ARHGEF2: variants seen among roughly 807,000 people sequenced by gnomAD.
ARHGEF2 encodes rho guanine nucleotide exchange factor 2.
Under a neutral mutation model 121.0 loss-of-function variants are expected in ARHGEF2, and 22 were observed. The ratio of observed to expected loss-of-function variants is 0.18; its 90% confidence interval spans 0.13 to 0.26. The LOEUF (loss-of-function observed/expected upper bound fraction) is 0.26. ARHGEF2 is among the 10% of genes least tolerant of loss of function. ARHGEF2 has a pLI of 1.00. For missense variants in ARHGEF2, 907 were observed against 1,336.0 expected (o/e 0.68, Z 5.01); for synonymous variants, 487 against 530.0 (o/e 0.92, Z 1.11).
intron 1 of ARHGEF2, among the ~76,000 whole-genome samples, chr1:155,971,883 T>TA (rs58112413): frequency 5.3e-4 from 75 of 140,388 alleles, no homozygotes; most frequent in Admixed American, 1.7e-3. Flanking sequence ...CCCATCTCTA[T>TA]AAAAAAAAAA....
In ARHGEF2 at chr1:155,950,167, A is replaced by T; in HGVS notation, c.2887+132T>A. 1 of 1,143,164 alleles carries T rather than the reference A, an allele frequency of 8.7e-7. No homozygotes were observed. Among genetic ancestry groups the T allele is most frequent in the South Asian group, 1.5e-5 (1 of 67,268 alleles). 70.8% of individuals were successfully genotyped at this position (1,143,164 alleles called of 1,614,324 possible). On this transcript the variant is annotated intron_variant, in intron 21 of 21. Coordinates refer to ENST00000361247, the MANE Select transcript of ARHGEF2 (RefSeq NM_001162383.2). The surrounding 1 kb of genome is among the most constrained non-coding windows in gnomAD (Gnocchi z 5.2). ...TTCCACCACCCATTCATCATCAGAC[A>T]AAACAGGAAGTCCCTCCCTAGAGTT...
intron 1 of ARHGEF2, among the ~76,000 whole-genome samples, chr1:155,973,795 G>A (rs1680867679): frequency 6.6e-6 from 1 of 151,960 alleles, no homozygotes; most frequent in South Asian, 2.1e-4. Flanking sequence ...AGCAATGGCA[G>A]AGGGCATTGT....
chr1:155,957,818 C>T lies in ARHGEF2; in HGVS notation c.1610G>A (p.Gly537Glu). ...IVRDIANQEK[G>E]MFLISAAPPE... ...TGGGGCTGCGCTGATCAGAAACATC[C>T]CTTTCTCCTGGTTGGCAATGTCTCG... Residue 537 changes from glycine (G) to glutamate (E), a missense_variant, in exon 13 of 22, where the codon GGG (glycine) becomes GAG (glutamate). Gly to Glu is a moderately conservative substitution (Grantham distance 98). Around this residue, in one of 2 missense-constraint regions of ARHGEF2, gnomAD observed 475 missense variants for 776.5 expected, o/e 0.61. Coordinates refer to ENST00000361247, the MANE Select transcript of ARHGEF2 (RefSeq NM_001162383.2). The T allele has an allele frequency of 6.2e-7, 1 of 1,614,224 alleles. No homozygotes were observed. The highest frequency in any genetic ancestry group is 8.5e-7 in the Non-Finnish European group (1 of 1,180,028).
Position 155,950,911 on chromosome 1 carries a change from G to A in ARHGEF2, c.2621C>T (p.Pro874Leu), listed in dbSNP as rs774928815. 213 of 1,599,170 alleles carry A rather than the reference G, an allele frequency of 1.3e-4. No individual in the cohort carries two copies. The highest frequency in any genetic ancestry group is 1.8e-4 in the Non-Finnish European group (211 of 1,171,638). Residue 874 changes from proline (P) to leucine (L), a missense_variant, in exon 20 of 22, where the codon CCC (proline) becomes CTC (leucine). Physicochemically the swap from Pro to Leu is moderately conservative, Grantham distance 98 (BLOSUM62 -3). Around this residue, in one of 2 missense-constraint regions of ARHGEF2, gnomAD observed 432 missense variants for 559.5 expected, o/e 0.77. Transcript: ENST00000361247. This position sits in a 1 kb window ranked among gnomAD's most constrained non-coding sequence, Gnocchi z 5.2. ...GQTEPLPAEA[P>L]WARRPVDPRR... ...AGGATCCACAGGTCTGCGGGCCCAG[G>A]GGGCCTCAGCTGGGAGTGGCTCGGT...
rs757967121 is a variant in ARHGEF2 at position 155,951,903 on chromosome 1, C to T, written c.2172+16G>A. 2 of 1,613,970 alleles carry T rather than the reference C, an allele frequency of 1.2e-6. No individual in the cohort carries two copies. Among genetic ancestry groups the T allele is most frequent in the South Asian group, 1.1e-5 (1 of 91,084 alleles). On this transcript the variant is annotated intron_variant, in intron 17 of 21. Transcript: ENST00000361247. This position sits in a 1 kb window ranked among gnomAD's most constrained non-coding sequence, Gnocchi z 5.1. ...CCCACCCTCTTGCCAAGTCCCAGAACCTCTTGAGGACCTACCCTCTGGCTA... is the reference window on the plus strand; with the variant it reads ...CCCACCCTCTTGCCAAGTCCCAGAATCTCTTGAGGACCTACCCTCTGGCTA...
At chr1:155,953,572 T>A (rs1032221023) in intron 14 of ARHGEF2, among the ~76,000 whole-genome samples, 1 of 151,646 alleles carries the variant, frequency 6.6e-6, no homozygotes, top group African/African-American at 2.4e-5. Flanking sequence ...TGAAACCCTA[T>A]CTCTACTAAA....
Position 155,961,628 on chromosome 1 carries a change from G to T in ARHGEF2, c.1468+33C>A. 1.3e-6 allele frequency: 2 copies of T among 1,591,264 alleles called. No individual in the cohort carries two copies. Among genetic ancestry groups the T allele is most frequent in the South Asian group, 2.2e-5 (2 of 90,492 alleles). On this transcript the variant is annotated intron_variant, in intron 11 of 21. Transcript: ENST00000361247. The surrounding 1 kb of genome is among the most constrained non-coding windows in gnomAD (Gnocchi z 4.7). ...CATCTCCCACTCTCCATCTGACTTT[G>T]AATTCCTGCCTAGTCTGCCGAGCAG...
Position 155,961,654 on chromosome 1 carries a change from G to A in ARHGEF2, c.1468+7C>T, listed in dbSNP as rs1677960246. 1 of 1,608,114 alleles carries A rather than the reference G, an allele frequency of 6.2e-7. No homozygotes were observed. The highest frequency in any genetic ancestry group is 1.7e-5 in the Admixed American group (1 of 59,970). On this transcript the variant is annotated splice_region_variant and intron_variant, in intron 11 of 21. Coordinates refer to ENST00000361247, the MANE Select transcript of ARHGEF2 (RefSeq NM_001162383.2). The surrounding 1 kb of genome is among the most constrained non-coding windows in gnomAD (Gnocchi z 4.7). ...AATTCCTGCCTAGTCTGCCGAGCAG[G>A]TCTGACCTTTGAAGCGCCCCGTCGC...
chr1:155,965,667 G>A lies in ARHGEF2; in HGVS notation c.434C>T (p.Ser145Phe). The A allele has an allele frequency of 1.2e-6, 2 of 1,611,006 alleles. No individual in the cohort carries two copies. Among genetic ancestry groups the A allele is most frequent in the Non-Finnish European group, 1.7e-6 (2 of 1,179,384 alleles). The change falls in exon 5 of 22, where the codon TCT becomes TTT. Residue 145 changes from serine to phenylalanine, a missense_variant. By Grantham distance (155) the Ser-to-Phe change is radical (BLOSUM62 -2). Coordinates refer to ENST00000361247, the MANE Select transcript of ARHGEF2 (RefSeq NM_001162383.2). The surrounding 1 kb of genome is among the most constrained non-coding windows in gnomAD (Gnocchi z 6.0). ...GGTGGTAGAAACACTCTTGGCTAAA[G>A]ACAAGGAGGAGCGGCCACGGCGGGA... is the stretch of plus-strand genomic sequence containing the variant. The part of the protein sequence containing the change: ...LGSRRGRSSL[S>F]LAKSVSTTNI...
chr1:155,962,452 C>T lies in ARHGEF2; in HGVS notation c.1101+141G>A. ...GCTCTAGCATTCTGAGGGGTTACTGCTGACAGGATCTGTGTATGGATGGTC... is the reference window on the plus strand; with the variant it reads ...GCTCTAGCATTCTGAGGGGTTACTGTTGACAGGATCTGTGTATGGATGGTC... On this transcript the variant is annotated intron_variant, in intron 9 of 21. Transcript: ENST00000361247. This position sits in a 1 kb window ranked among gnomAD's most constrained non-coding sequence, Gnocchi z 5.8. The T allele has an allele frequency of 1.6e-6, 2 of 1,289,856 alleles. No individual in the cohort carries two copies. Among genetic ancestry groups the T allele is most frequent in the Non-Finnish European group, 2.2e-6 (2 of 925,798 alleles). The allele number at this position is 1,289,856 out of a possible 1,614,324, so 79.9% of individuals were successfully genotyped here.
intron 11 of ARHGEF2, among the ~76,000 whole-genome samples, chr1:155,959,005 T>C (rs1220573902): frequency 6.6e-6 from 1 of 152,022 alleles, no homozygotes; most frequent in Non-Finnish European, 1.5e-5. Context: ...TCACTCAGTG[T>C]CTACAGAAAA....
At chr1:155,966,610 G>T in intron 3 of ARHGEF2, 131 bp from the exon 4 acceptor site, 4 of 1,110,748 alleles carry the variant, frequency 3.6e-6, no homozygotes, top group South Asian at 1.3e-5. Context: ...AAGGGGATCA[G>T]GGTGATTGAG....
rs780610975 is a variant in ARHGEF2 at position 155,951,219 on chromosome 1, A to C, written c.2313T>G (p.Pro771=). 5.6e-6 allele frequency: 9 copies of C among 1,611,282 alleles called. No individual in the cohort carries two copies. In the African/African-American group the frequency reaches 9.3e-5, roughly 17 times the overall value. Residue 771 remains proline (P), a synonymous_variant, in exon 20 of 22, where the codon CCT becomes CCG. Coordinates refer to ENST00000361247, the MANE Select transcript of ARHGEF2 (RefSeq NM_001162383.2). This position sits in a 1 kb window ranked among gnomAD's most constrained non-coding sequence, Gnocchi z 5.1. The stretch of plus-strand genomic sequence containing the variant: ...CTCGGCACAGCTTCTCCCGCCGCTC[A>C]GGGCCCTCAGGGAACCGGGCTTCCA... ...TLMEARFPEG[P]ERREKLCRAN... is the part of the protein sequence containing the mutation.
At chr1:155,979,301 C>G, upstream of ARHGEF2, 1 of 985,410 alleles carries the variant, frequency 1.0e-6, no homozygotes, top group Non-Finnish European at 1.2e-6. Flanking sequence ...AACTGCAGTT[C>G]TCTCTGTTGC....
intron 1 of ARHGEF2, among the ~76,000 whole-genome samples, chr1:155,977,567 C>T (rs1485006252): frequency 6.6e-6 from 1 of 151,990 alleles, no homozygotes; most frequent in African/African-American, 2.4e-5. Flanking sequence ...GGTGTGTCAG[C>T]CTAAGGGTTT....
At position 155,961,147 on chromosome 1, in the gene ARHGEF2, T is replaced by C. The variant is rs1214859351; in HGVS notation, c.1468+514A>G. 5.9e-5 allele frequency among the ~76,000 whole-genome samples: 9 copies of C among 152,286 alleles called. No individual in the cohort carries two copies. The South Asian group carries it at 1.0e-3, about 18-fold the overall frequency. On this transcript the variant is annotated intron_variant, in intron 11 of 21. Coordinates refer to ENST00000361247, the MANE Select transcript of ARHGEF2 (RefSeq NM_001162383.2). This position sits in a 1 kb window ranked among gnomAD's most constrained non-coding sequence, Gnocchi z 4.7. ...AAGGACCAAAGAAATTATAAAATAC[T>C]GATAGGGAAGGCCCTGTATGGTCCA... is the stretch of plus-strand genomic sequence containing the variant.
intron 14 of ARHGEF2, among the ~76,000 whole-genome samples, chr1:155,954,510 A>G (rs1676250218): frequency 2.0e-5 from 3 of 148,728 alleles, no homozygotes; most frequent in Non-Finnish European, 3.0e-5. Context: ...GGATGGTCTC[A>G]ATCTCCTGAC....
chr1:155,971,507 A>C (rs1355022307), intron 1 of ARHGEF2, among the ~76,000 whole-genome samples: 1 of 138,218 alleles, frequency 7.2e-6, no homozygotes, highest in Non-Finnish European at 1.6e-5. Context: ...TGAACCGGGG[A>C]GGTTGGAGGT....
Position 155,962,472 on chromosome 1 carries a change from A to G in ARHGEF2, c.1101+121T>C. 1 of 1,400,674 alleles carries G rather than the reference A, an allele frequency of 7.1e-7. No homozygotes were observed. Among genetic ancestry groups the G allele is most frequent in the Non-Finnish European group, 9.8e-7 (1 of 1,015,344 alleles). 86.8% of individuals were successfully genotyped at this position (1,400,674 alleles called of 1,614,324 possible). A position where few individuals can be genotyped will look rare whatever the true frequency, so the allele number is the denominator to read the frequency against. ...TACTGCTGACAGGATCTGTGTATGGATGGTCTGCACGGGTGGCGAATGCCT... is the reference window on the plus strand; with the variant it reads ...TACTGCTGACAGGATCTGTGTATGGGTGGTCTGCACGGGTGGCGAATGCCT... On this transcript the variant is annotated intron_variant, in intron 9 of 21. Transcript: ENST00000361247. The surrounding 1 kb of genome is among the most constrained non-coding windows in gnomAD (Gnocchi z 5.8).
Sources: allele counts gnomAD v4.1 joint callset (sites outside exome capture counted in the v4.1 genomes callset), GRCh38; gene constraint gnomAD v4.1.1; regional missense constraint gnomAD v4.1.1; non-coding constraint Gnocchi (gnomAD v3.1); transcripts MANE v1.5; gene names NCBI Gene and HGNC (gene_info 2026-07-23, HGNC 2026-07-21).